CELF5: variants seen among roughly 807,000 people sequenced by gnomAD.
The protein encoded by CELF5 is CUG-BP and ETR-3 like factor 5.
CELF5 carries 6 observed loss-of-function variants against 54.9 expected under a neutral mutation model. That is an observed-to-expected ratio of 0.11 (90% CI 0.06 to 0.22). CELF5 has a LOEUF of 0.22. Among genes scored for constraint, CELF5 ranks in the 10% least tolerant of loss-of-function variants. The pLI, the probability that CELF5 is intolerant of heterozygous loss-of-function variation, is 1.00. For synonymous variants in CELF5, 271 were observed against 290.9 expected (o/e 0.93, Z 0.70); for missense variants, 401 against 678.6 (o/e 0.59, Z 4.54).
intron 1 of CELF5, among the ~76,000 whole-genome samples, chr19:3,242,029 C>T (rs574777363): frequency 6.6e-6 from 1 of 152,146 alleles, no homozygotes; most frequent in Non-Finnish European, 1.5e-5. Flanking sequence ...CCTGCCTTGG[C>T]CTCGCAAAAT....
chr19:3,275,953 C>G lies in CELF5; in HGVS notation c.492C>G (p.Thr164=), dbSNP rs17854482. 3.3e-6 allele frequency: 5 copies of G among 1,496,662 alleles called. No homozygotes were observed. The highest frequency in any genetic ancestry group is 4.5e-6 in the Non-Finnish European group (5 of 1,107,166). The allele number at this position is 1,496,662 out of a possible 1,614,324, so 92.7% of individuals were successfully genotyped here. A position where few individuals can be genotyped will look rare whatever the true frequency, so the allele number is the denominator to read the frequency against. ...FQPFGVIDEC[T]VLRGPDGSSK... The stretch of plus-strand genomic sequence containing the variant: ...CCTTCGGGGTCATTGACGAGTGCAC[C>G]GTGCTCCGGGGGCCTGACGGCAGCA... Residue 164 remains threonine (T), a synonymous_variant, in exon 4 of 13, where the codon ACC becomes ACG. Transcript: ENST00000292672. This position sits in a 1 kb window ranked among gnomAD's most constrained non-coding sequence, Gnocchi z 6.7.
At chr19:3,292,135 T>G in intron 11 of CELF5, among the ~76,000 whole-genome samples, 1 of 151,586 alleles carries the variant, frequency 6.6e-6, no homozygotes, top group East Asian at 1.9e-4. Flanking sequence ...TTAGTAGAAA[T>G]GGGGTTTCAC....
At chr19:3,249,753 C>A (rs959093368) in intron 1 of CELF5, among the ~76,000 whole-genome samples, 1 of 152,240 alleles carries the variant, frequency 6.6e-6, no homozygotes, top group African/African-American at 2.4e-5. Context: ...ATCCCCTCTC[C>A]CTCTGATAGG....
At position 3,278,061 on chromosome 19, in the gene CELF5, C is replaced by G; in HGVS notation, c.554C>G (p.Thr185Arg). The change falls in exon 5 of 13, where the codon ACG becomes AGG. Residue 185 changes from threonine to arginine, a missense_variant. Thr to Arg is a moderately conservative substitution (Grantham distance 71). Coordinates refer to ENST00000292672, the MANE Select transcript of CELF5 (RefSeq NM_021938.4). This position sits in a 1 kb window ranked among gnomAD's most constrained non-coding sequence, Gnocchi z 4.5. ...GCAFVKFSSH[T>R]EAQAAIHALH... ...GCTTTCGTGAAGTTCTCCTCCCACACGGAGGCGCAGGCGGCCATCCACGCC... is the reference window on the plus strand; with the variant it reads ...GCTTTCGTGAAGTTCTCCTCCCACAGGGAGGCGCAGGCGGCCATCCACGCC... 1 of 1,563,906 alleles carries G rather than the reference C, an allele frequency of 6.4e-7. No homozygotes were observed. Among genetic ancestry groups the G allele is most frequent in the Non-Finnish European group, 8.7e-7 (1 of 1,148,424 alleles).
chr19:3,266,091 G>A (rs1217516155), intron 2 of CELF5, among the ~76,000 whole-genome samples: 2 of 152,146 alleles, frequency 1.3e-5, no homozygotes, highest in Non-Finnish European at 2.9e-5. Context: ...ACAGGCGTGA[G>A]CGCACCACGC....
At chr19:3,244,094 G>C (rs551377595) in intron 1 of CELF5, among the ~76,000 whole-genome samples, 13 of 151,970 alleles carry the variant, frequency 8.6e-5, no homozygotes, top group Non-Finnish European at 1.6e-4. Context: ...ATTTATCCAG[G>C]GGTGGGTAAA....
Position 3,284,624 on chromosome 19 carries a change from G to A in CELF5, c.1040-278G>A, listed in dbSNP as rs566757794. The stretch of plus-strand genomic sequence containing the variant: ...GAAGGGTCCCCCTTGGGAGGCAACC[G>A]GGTCGGGATAGGGAGAGGGAGATGG... On this transcript the variant is annotated intron_variant, in intron 8 of 12. Coordinates refer to ENST00000292672, the MANE Select transcript of CELF5 (RefSeq NM_021938.4). The A allele has an allele frequency of 6.2e-6, 3 of 481,576 alleles. No homozygotes were observed. The South Asian group carries it at 7.8e-5, about 13-fold the overall frequency. 29.8% of individuals were successfully genotyped at this position (481,576 alleles called of 1,614,324 possible).
At chr19:3,230,795 G>T (rs976722030) in intron 1 of CELF5, among the ~76,000 whole-genome samples, 2 of 152,124 alleles carry the variant, frequency 1.3e-5, no homozygotes, top group African/African-American at 4.8e-5. Context: ...TTCCAGTTGG[G>T]GTGAGGCCCA....
intron 11 of CELF5, 109 bp from the exon 12 acceptor site, chr19:3,293,210 A>C: frequency 6.9e-7 from 1 of 1,442,874 alleles, no homozygotes; most frequent in Non-Finnish European, 9.5e-7. Context: ...GCAGGTGTGC[A>C]CGCAGGCCTG....
intron 12 of CELF5, chr19:3,293,995 G>C (rs2080394698): frequency 6.5e-6 from 1 of 152,766 alleles, no homozygotes; most frequent in Non-Finnish European, 1.5e-5. Flanking sequence ...AGTCCAGTTG[G>C]CACTGACAGC....
In CELF5 at chr19:3,282,694, C is replaced by T. The variant is rs1257082247; in HGVS notation, c.1039+196C>T. ...AGGGTAATAACACATTAAAACGGTGCATCTGGATGTTTCTGAGCTTAAATT... is the reference window on the plus strand; with the variant it reads ...AGGGTAATAACACATTAAAACGGTGTATCTGGATGTTTCTGAGCTTAAATT... On this transcript the variant is annotated intron_variant, in intron 8 of 12. Transcript: ENST00000292672. The surrounding 1 kb of genome is among the most constrained non-coding windows in gnomAD (Gnocchi z 5.2). Among the ~76,000 whole-genome samples the T allele has an allele frequency of 6.6e-6, 1 of 152,184 alleles. No homozygotes were observed. The highest frequency in any genetic ancestry group is 1.9e-4 in the East Asian group (1 of 5,202).
At chr19:3,259,278 G>A (rs1482354109) in intron 2 of CELF5, among the ~76,000 whole-genome samples, 1 of 151,812 alleles carries the variant, frequency 6.6e-6, no homozygotes, top group East Asian at 1.9e-4. Flanking sequence ...TCCTGCCCCC[G>A]CCCCAGGACA....
chr19:3,292,653 AAG>A (rs1166295069), intron 11 of CELF5, among the ~76,000 whole-genome samples: 5 of 152,110 alleles, frequency 3.3e-5, no homozygotes, highest in Non-Finnish European at 7.4e-5. Context: ...GATGGAGAGA[AAG>A]AGACAGAGAT....
At chr19:3,294,769 G>T (rs2145336286) in intron 12 of CELF5, 1 of 152,346 alleles carries the variant, frequency 6.6e-6, no homozygotes, top group South Asian at 2.1e-4. Context: ...TTAGATGGCA[G>T]GGGGTAGGGA....
At chr19:3,230,559 G>A (rs1165381540) in intron 1 of CELF5, among the ~76,000 whole-genome samples, 1 of 152,198 alleles carries the variant, frequency 6.6e-6, no homozygotes, top group African/African-American at 2.4e-5. Flanking sequence ...GTCAGCATGG[G>A]CTGGACCAGG....
intron 4 of CELF5, among the ~76,000 whole-genome samples, chr19:3,277,317 A>G (rs1023639947): frequency 2.0e-4 from 31 of 152,146 alleles, no homozygotes; most frequent in Non-Finnish European, 1.6e-4. Flanking sequence ...TACAAAAAAT[A>G]CAAAAATTAG....
intron 1 of CELF5, among the ~76,000 whole-genome samples, chr19:3,245,810 C>CA (rs1421007507): frequency 2.0e-5 from 3 of 152,162 alleles, no homozygotes; most frequent in African/African-American, 7.2e-5. Flanking sequence ...AGAGCTCCCC[C>CA]AAAGTGACAA....
intron 1 of CELF5, among the ~76,000 whole-genome samples, 169 bp from the exon 2 acceptor site, chr19:3,250,816 T>C (rs538699848): frequency 2.4e-4 from 37 of 152,298 alleles, no homozygotes; most frequent in Admixed American, 2.0e-3. Flanking sequence ...TTTCCTTCCT[T>C]TTCTTGGCTG....
chr19:3,260,443 A>G (rs2079792192), intron 2 of CELF5, among the ~76,000 whole-genome samples: 1 of 150,412 alleles, frequency 6.6e-6, no homozygotes, highest in African/African-American at 2.4e-5. Flanking sequence ...GGCTAAATAT[A>G]TGTATGTATT....
Sources: allele counts gnomAD v4.1 joint callset (sites outside exome capture counted in the v4.1 genomes callset), GRCh38; gene constraint gnomAD v4.1.1; non-coding constraint Gnocchi (gnomAD v3.1); transcripts MANE v1.5; gene names NCBI Gene and HGNC (gene_info 2026-07-23, HGNC 2026-07-21).